The following FGF13 variants were observed in gnomAD, a reference collection of about 807,000 sequenced individuals.
FGF13 encodes the protein fibroblast growth factor 13, also known as fibroblast growth factor homologous factor 2.
Under a neutral mutation model 19.5 loss-of-function variants are expected in FGF13, and 2 were observed. The ratio of observed to expected loss-of-function variants is 0.10; its 90% CI spans 0.04 to 0.32. The LOEUF (loss-of-function observed/expected upper bound fraction) is 0.32. Ranked by LOEUF, FGF13 falls within the 10% of genes least tolerant of loss-of-function variation. The pLI, the probability that FGF13 is intolerant of heterozygous loss-of-function variation, is 1.00. For synonymous variants in FGF13, 72 were observed against 76.9 expected (o/e 0.94, Z 0.33); for missense variants, 113 against 192.7 (o/e 0.59, Z 2.45).
intron 2 of FGF13, among the ~76,000 whole-genome samples, chrX:138,703,305 G>A (rs910579950): frequency 9.0e-6 from 1 of 111,662 alleles, no homozygotes; most frequent in Admixed American, 9.5e-5. Flanking sequence ...CTACCTTTTA[G>A]TGTATTTAAT....
intron 3 of FGF13, among the ~76,000 whole-genome samples, chrX:138,701,902 TAAG>T (rs1364334239): frequency 8.9e-6 from 1 of 112,875 alleles, no homozygotes; most frequent in Non-Finnish European, 1.9e-5. Flanking sequence ...GACTTGCTAG[TAAG>T]AAGTTCGACA....
At chrX:138,912,571 G>T (rs901848394) in intron 1 of FGF13, among the ~76,000 whole-genome samples, 1 of 111,916 alleles carries the variant, frequency 8.9e-6, no homozygotes, top group Non-Finnish European at 1.9e-5. Flanking sequence ...GATGGAAGTT[G>T]ATCAAAATTG....
At chrX:138,643,726 G>A (rs1395926832) in intron 3 of FGF13, among the ~76,000 whole-genome samples, 2 of 111,537 alleles carry the variant, frequency 1.8e-5, no homozygotes, top group Admixed American at 9.6e-5. Context: ...TATTTCAAGC[G>A]AAGAACACTT....
At chrX:139,119,496 T>C (rs188909843) in intron 1 of FGF13, among the ~76,000 whole-genome samples, 2 of 111,836 alleles carry the variant, frequency 1.8e-5, no homozygotes, top group East Asian at 5.7e-4. Context: ...ACATAAGTTG[T>C]CCAAGGTCAC....
At chrX:139,204,428 G>T (rs1372494877), upstream of FGF13, among the ~76,000 whole-genome samples, 2 of 112,752 alleles carry the variant, frequency 1.8e-5, no homozygotes, top group South Asian at 3.6e-4. Flanking sequence ...CGCGCCCCGC[G>T]CCCTCAGCTT....
At chrX:138,943,282 G>A (rs1205718861) in intron 1 of FGF13, among the ~76,000 whole-genome samples, 1 of 111,841 alleles carries the variant, frequency 8.9e-6, no homozygotes, top group Non-Finnish European at 1.9e-5. Flanking sequence ...GAGATCCAGT[G>A]TCCAATGTGT....
chrX:138,767,154 C>T (rs1018973381), intron 3 of FGF13, among the ~76,000 whole-genome samples: 6 of 111,497 alleles, frequency 5.4e-5, no homozygotes, highest in Non-Finnish European at 7.5e-5. Context: ...ACTTGGAGAG[C>T]GATTATGGAA....
intron 3 of FGF13, among the ~76,000 whole-genome samples, chrX:138,793,964 C>T (rs751396476): frequency 1.8e-5 from 2 of 111,775 alleles, no homozygotes; most frequent in African/African-American, 6.5e-5. Context: ...AGACCTCAGG[C>T]TGCAGCTCTA....
intron 1 of FGF13, among the ~76,000 whole-genome samples, chrX:138,951,044 C>A (rs1326277672): frequency 9.0e-6 from 1 of 111,485 alleles, no homozygotes; most frequent in Non-Finnish European, 1.9e-5. Flanking sequence ...TAATAATGAT[C>A]CTGTGACATA....
At position 138,652,016 on chromosome X, in the gene FGF13, G is replaced by C. The variant is rs1250725182; in HGVS notation, c.403-16361C>G. On this transcript the variant is annotated intron_variant, in intron 3 of 4. Coordinates refer to ENST00000315930, the MANE Select transcript of FGF13 (RefSeq NM_004114.5). ...GCTTTTCATTTCACTCAGAGTCAAA[G>C]ACAAAGTCCCTGACTTGGCCTATGA... 3.6e-5 allele frequency among the ~76,000 whole-genome samples: 4 copies of C among 111,741 alleles called. No homozygotes were observed. In the Admixed American group the frequency reaches 3.8e-4, roughly 11 times the overall value.
intron 1 of FGF13, among the ~76,000 whole-genome samples, chrX:138,911,492 T>C (rs1020903972): frequency 9.1e-6 from 1 of 110,014 alleles, no homozygotes; most frequent in Non-Finnish European, 1.9e-5. Context: ...GGGAGAAGAT[T>C]AGGAAAAATA....
intron 2 of FGF13, among the ~76,000 whole-genome samples, 183 bp from the exon 3 acceptor site, chrX:138,703,270 C>T (rs914785705): frequency 2.7e-4 from 30 of 111,682 alleles, no homozygotes; most frequent in African/African-American, 9.1e-4. Flanking sequence ...CACACATACC[C>T]CGAGGCAGAC....
intron 3 of FGF13, among the ~76,000 whole-genome samples, chrX:138,810,914 A>G (rs1348981865): frequency 8.9e-6 from 1 of 111,991 alleles, no homozygotes; most frequent in East Asian, 2.8e-4. Flanking sequence ...CACACCAGTT[A>G]GAATGGCAAT....
At position 138,627,503 on chromosome X, in the gene FGF13, C is replaced by T. The variant is rs2089073074; in HGVS notation, c.*5347G>A. 9.2e-6 allele frequency: 1 copy of T among 108,628 alleles called. No individual in the cohort carries two copies. Among genetic ancestry groups the T allele is most frequent in the African/African-American group, 3.4e-5 (1 of 29,747 alleles). 9.0% of individuals were successfully genotyped at this position (108,628 alleles called of 1,213,427 possible). ...GCCACATGGATTTTGAACTTGACTG[C>T]TCCATTCTCCCAACTGAATAGACAT... is the stretch of plus-strand genomic sequence containing the variant. On this transcript the variant is annotated 3_prime_UTR_variant, in exon 5 of 5. Coordinates refer to ENST00000315930, the MANE Select transcript of FGF13 (RefSeq NM_004114.5).
At chrX:138,842,328 A>G (rs941370677) in intron 3 of FGF13, among the ~76,000 whole-genome samples, 1 of 111,398 alleles carries the variant, frequency 9.0e-6, no homozygotes, top group Admixed American at 9.6e-5. Context: ...GTGGAATTTA[A>G]CCCGAAGCAG....
chrX:138,827,665 C>T (rs769981188), intron 3 of FGF13, among the ~76,000 whole-genome samples: 1 of 111,482 alleles, frequency 9.0e-6, no homozygotes, highest in South Asian at 3.8e-4. Context: ...GAGCAGTTTG[C>T]GAGTGGCTAA....
At chrX:138,729,724 T>C (rs1169868376) in intron 1 of FGF13, among the ~76,000 whole-genome samples, 2 of 109,816 alleles carry the variant, frequency 1.8e-5, no homozygotes, top group African/African-American at 6.7e-5. Flanking sequence ...ACAAAAAACA[T>C]CTAAGCATAT....
intron 1 of FGF13, among the ~76,000 whole-genome samples, chrX:139,151,490 C>T (rs955978810): frequency 2.7e-5 from 3 of 112,111 alleles, no homozygotes; most frequent in African/African-American, 9.7e-5. Context: ...TTAGCAAGAT[C>T]TGAATGACTG....
intron 1 of FGF13, among the ~76,000 whole-genome samples, chrX:139,178,926 ATTTCT>A (rs1165002314): frequency 2.7e-5 from 3 of 112,116 alleles, no homozygotes; most frequent in South Asian, 3.7e-4. Context: ...TCTTTTATAT[ATTTCT>A]TTTCTTATCT....
Sources: gnomAD v4.1 joint callset for allele counts (sites outside exome capture counted in the v4.1 genomes callset) on GRCh38, gnomAD v4.1.1 for gene constraint, MANE v1.5 for transcripts, NCBI Gene and HGNC (gene_info 2026-07-23, HGNC 2026-07-21) for gene names.